Variants in TENM2 observed in about 807,000 individuals in gnomAD.
TENM2 encodes teneurin-2.
A neutral mutation model predicts 245.2 loss-of-function variants in TENM2; 52 were observed. The ratio of observed to expected loss-of-function variants is 0.21; its 90% CI spans 0.17 to 0.27. The LOEUF (loss-of-function observed/expected upper bound fraction) is 0.27, where lower values mean the gene tolerates loss of function less well. TENM2 is among the 10% of genes least tolerant of loss of function. The pLI, the probability that TENM2 is intolerant of heterozygous loss-of-function variation, is 1.00. For missense variants in TENM2, 3,046 were observed against 3,666.8 expected, an observed-to-expected ratio of 0.83 and a Z score of 4.37; for synonymous variants, 1,363 against 1,438.9, an observed-to-expected ratio of 0.95 and a Z score of 1.19.
chr5:167,806,875 AC>A (rs1473955722), intron 2 of TENM2, among the ~76,000 whole-genome samples: 1 of 151,984 alleles, frequency 6.6e-6, no homozygotes, highest in Non-Finnish European at 1.5e-5. Context: ...GTAATCATGG[AC>A]AGGGCTAACT....
At chr5:167,381,125 A>AT (rs1473334496) in intron 2 of TENM2, among the ~76,000 whole-genome samples, 1 of 152,158 alleles carries the variant, frequency 6.6e-6, no homozygotes, top group Non-Finnish European at 1.5e-5. Flanking sequence ...AGGCACTTCA[A>AT]TTAGCCATTC....
intron 12 of TENM2, among the ~76,000 whole-genome samples, chr5:168,150,542 G>C (rs979692360): frequency 6.6e-6 from 1 of 151,998 alleles, no homozygotes; most frequent in Non-Finnish European, 1.5e-5. Flanking sequence ...AGTGGATCAA[G>C]CTCTAGACTG....
chr5:168,063,503 A>T (rs2152101578), intron 7 of TENM2, among the ~76,000 whole-genome samples: 1 of 152,318 alleles, frequency 6.6e-6, no homozygotes. Context: ...CAGGAAGAAC[A>T]TAAGGTACAT....
intron 2 of TENM2, among the ~76,000 whole-genome samples, chr5:167,508,862 T>C (rs529647452): frequency 7.9e-5 from 12 of 152,254 alleles, no homozygotes; most frequent in African/African-American, 2.9e-4. Flanking sequence ...ATTCTGTCGC[T>C]CAGCTGGAGT....
intron 2 of TENM2, among the ~76,000 whole-genome samples, chr5:167,394,697 G>T (rs926896483): frequency 6.6e-6 from 1 of 152,072 alleles, no homozygotes; most frequent in Non-Finnish European, 1.5e-5. Context: ...CTGGGGTCAA[G>T]TGATTCTCCT....
chr5:166,994,133 C>T, the TENM2 span, among the ~76,000 whole-genome samples: 1 of 152,290 alleles, frequency 6.6e-6, no homozygotes, highest in African/African-American at 2.4e-5. Flanking sequence ...GATATATCAA[C>T]TTTCATCTAC....
At chr5:167,736,774 G>A (rs941827121) in intron 2 of TENM2, among the ~76,000 whole-genome samples, 1 of 152,036 alleles carries the variant, frequency 6.6e-6, no homozygotes, top group African/African-American at 2.4e-5. Flanking sequence ...CCAGGTGAGG[G>A]AGCCCCGGTG....
At chr5:167,141,746 T>G in the TENM2 span, among the ~76,000 whole-genome samples, 1 of 152,174 alleles carries the variant, frequency 6.6e-6, no homozygotes, top group Non-Finnish European at 1.5e-5. Context: ...CACTGGCTAT[T>G]TTTAGTTATT....
intron 3 of TENM2, among the ~76,000 whole-genome samples, chr5:167,947,298 T>C (rs1197715248): frequency 4.6e-5 from 7 of 152,234 alleles, no homozygotes; most frequent in African/African-American, 1.2e-4. Flanking sequence ...ATCATAATAA[T>C]ATGTGTTAAT....
intron 1 of TENM2, among the ~76,000 whole-genome samples, chr5:167,362,092 TG>T (rs1759750867): frequency 6.6e-6 from 1 of 152,200 alleles, no homozygotes; most frequent in Admixed American, 6.5e-5. Context: ...AGATGCTAAG[TG>T]TAATTAAGGC....
chr5:167,782,559 C>T (rs1401410386), intron 2 of TENM2, among the ~76,000 whole-genome samples: 1 of 152,048 alleles, frequency 6.6e-6, no homozygotes, highest in Non-Finnish European at 1.5e-5. Flanking sequence ...CCAAGTTCAG[C>T]TCTTTGCGTC....
the TENM2 span, among the ~76,000 whole-genome samples, chr5:167,169,720 A>AT: frequency 6.6e-5 from 10 of 152,006 alleles, no homozygotes; most frequent in Non-Finnish European, 7.4e-5. Flanking sequence ...TAAATAAATT[A>AT]TTTTTCTGAA....
chr5:167,321,964 G>T (rs962712929), intron 1 of TENM2, among the ~76,000 whole-genome samples: 5 of 151,610 alleles, frequency 3.3e-5, no homozygotes, highest in African/African-American at 4.8e-5. Flanking sequence ...TAGTAGCTGG[G>T]ACTACAGGCA....
At chr5:166,988,592 T>C in the TENM2 span, among the ~76,000 whole-genome samples, 1 of 152,234 alleles carries the variant, frequency 6.6e-6, no homozygotes, top group Non-Finnish European at 1.5e-5. Flanking sequence ...TTCTCTCTTG[T>C]TAAGGTAAAG....
exon 6 of TENM2, chr5:168,047,536 A>T (rs1295754841): frequency 6.4e-7 from 1 of 1,551,740 alleles, no homozygotes; most frequent in African/African-American, 1.4e-5. Context: ...CAACAATGCC[A>T]TCTGGAGGCA....
Position 167,326,702 on chromosome 5 carries a change from A to AT in TENM2, c.226+41639_226+41640insT, listed in dbSNP as rs1757104378. 2.0e-4 allele frequency among the ~76,000 whole-genome samples: 29 copies of AT among 143,212 alleles called. No individual in the cohort carries two copies. The East Asian group carries it at 4.4e-3, about 22-fold the overall frequency. The allele number at this position is 143,212 out of a possible 152,430, so 94.0% of individuals were successfully genotyped here. Reference sequence around the variant, plus strand: ...ATAATAATAATTATAATAATAAATAAATATATATATATATATATATAAAAT... The same window carrying AT: ...ATAATAATAATTATAATAATAAATAATATATATATATATATATATATAAAAT... On this transcript the variant is annotated intron_variant, in intron 1 of 28. Coordinates refer to ENST00000518659, the Ensembl canonical transcript of TENM2.
At chr5:168,027,148 C>G (rs919181212) in intron 5 of TENM2, among the ~76,000 whole-genome samples, 1 of 152,126 alleles carries the variant, frequency 6.6e-6, no homozygotes, top group African/African-American at 2.4e-5. Context: ...GAAGCACACT[C>G]CCCACGCTGT....
At chr5:167,397,094 GA>G (rs1762095829) in intron 2 of TENM2, among the ~76,000 whole-genome samples, 1 of 152,088 alleles carries the variant, frequency 6.6e-6, no homozygotes, top group Admixed American at 6.6e-5. Flanking sequence ...CAGAGAGAAA[GA>G]AGAAACATTT....
chr5:167,181,931 A>G, the TENM2 span, among the ~76,000 whole-genome samples: 1 of 152,200 alleles, frequency 6.6e-6, no homozygotes, highest in Non-Finnish European at 1.5e-5. Flanking sequence ...GTGTCCAGGT[A>G]CTGTGTGTGG....
Sources: gnomAD v4.1 joint callset for allele counts (sites outside exome capture counted in the v4.1 genomes callset) on GRCh38, gnomAD v4.1.1 for gene constraint, MANE v1.5 for transcripts, NCBI Gene and HGNC (gene_info 2026-07-23, HGNC 2026-07-21) for gene names.